Variants in TMEM229B observed in about 807,000 individuals in gnomAD.
TMEM229B encodes transmembrane protein 229B.
A neutral mutation model predicts 13.7 loss-of-function variants in TMEM229B; 6 were observed. The observed-to-expected ratio is 0.44, with a 90% CI of 0.24 to 0.86. The LOEUF is 0.86. Ranked by LOEUF, TMEM229B falls within the 40% of genes least tolerant of loss-of-function variation. TMEM229B has a pLI of 0.23. For missense variants in TMEM229B, 170 were observed against 236.0 expected, an observed-to-expected ratio of 0.72 and a Z score of 1.83; for synonymous variants, 107 against 102.1, an observed-to-expected ratio of 1.05 and a Z score of -0.29.
chr14:67,519,946 C>G (rs2140268072), upstream of TMEM229B, among the ~76,000 whole-genome samples: 1 of 152,208 alleles, frequency 6.6e-6, no homozygotes, highest in Non-Finnish European at 1.5e-5. Flanking sequence ...TCATTTTGAA[C>G]TCCTAGCCTC....
chr14:67,487,392 T>C (rs1374831571), intron 1 of TMEM229B, among the ~76,000 whole-genome samples: 1 of 152,214 alleles, frequency 6.6e-6, no homozygotes, highest in Non-Finnish European at 1.5e-5. Context: ...ACAATCCACA[T>C]GTCCAGGGTT....
rs369131613 is a variant in TMEM229B at position 67,473,544 on chromosome 14, C to A, written c.380G>T (p.Gly127Val). Residue 127 changes from glycine to valine, a missense_variant, in exon 3 of 3, where the codon GGG becomes GTG. Coordinates refer to ENST00000554480, the MANE Select transcript of TMEM229B (RefSeq NM_001348543.2). This position sits in a 1 kb window ranked among gnomAD's most constrained non-coding sequence, Gnocchi z 6.5. ...GATGAACTGCTCCATGATGAGGGCC[C>A]CGCAGAACCAGGGCACGGCGTACTC... ...TLEYAVPWFC[G>V]ALIMEQFIIR... The A allele has an allele frequency of 6.2e-7, 1 of 1,613,980 alleles. No individual in the cohort carries two copies. Among genetic ancestry groups the A allele is most frequent in the South Asian group, 1.1e-5 (1 of 91,066 alleles).
At chr14:67,495,683 T>C (rs76409069) in intron 1 of TMEM229B, among the ~76,000 whole-genome samples, 6,617 of 152,266 alleles carry the variant, frequency 0.043, 183 homozygotes, top group East Asian at 0.092. Flanking sequence ...GGGGTTTCAC[T>C]GTGTTGGCCA....
At chr14:67,524,026 AG>A (rs1823490813) in intron 1 of TMEM229B, among the ~76,000 whole-genome samples, 1 of 152,120 alleles carries the variant, frequency 6.6e-6, no homozygotes, top group South Asian at 2.1e-4. Context: ...CTGTGTTCTG[AG>A]TGGATAGGCT....
intron 1 of TMEM229B, among the ~76,000 whole-genome samples, chr14:67,502,741 C>T (rs368752110): frequency 3.3e-5 from 5 of 152,056 alleles, no homozygotes; most frequent in Non-Finnish European, 7.4e-5. Flanking sequence ...CGTGAGCCAC[C>T]GCGCCGGGCC....
intron 1 of TMEM229B, among the ~76,000 whole-genome samples, chr14:67,500,911 C>T (rs543851342): frequency 2.0e-5 from 3 of 151,962 alleles, no homozygotes; most frequent in South Asian, 2.1e-4. Context: ...GTCAAAGCAG[C>T]TATAAGAATT....
rs755352664 is a variant in TMEM229B, at chr14:67,473,517, A to T, written c.407T>A (p.Ile136Asn). ...GAAGCGGAGGCGGAGGGTGTTGCGG[A>T]TGATGAACTGCTCCATGATGAGGGC... ...CGALIMEQFI[I>N]RNTLRLRFDK... Residue 136 changes from isoleucine (I) to asparagine (N), a missense_variant, in exon 3 of 3, where the codon ATC becomes AAC. This residue lies in a region of TMEM229B where 70 missense variants were observed against 60.9 expected (regional missense o/e 1.15). Transcript: ENST00000554480. The surrounding 1 kb of genome is among the most constrained non-coding windows in gnomAD (Gnocchi z 6.5). 1.9e-6 allele frequency: 3 copies of T among 1,614,006 alleles called. No individual in the cohort carries two copies. The highest frequency in any genetic ancestry group is 1.1e-5 in the South Asian group (1 of 91,090).
At chr14:67,527,967 C>A (rs116319607) in intron 1 of TMEM229B, among the ~76,000 whole-genome samples, 3,375 of 152,260 alleles carry the variant, frequency 0.022, 145 homozygotes, top group African/African-American at 0.077. Flanking sequence ...TTGCCCTGTA[C>A]TGAGCCACCT....
At chr14:67,493,245 CATCT>C (rs1418987601), upstream of TMEM229B, among the ~76,000 whole-genome samples, 3 of 152,188 alleles carry the variant, frequency 2.0e-5, no homozygotes, top group Admixed American at 6.5e-5. Flanking sequence ...CTTACCCATC[CATCT>C]ATCAGCCCTC....
intron 1 of TMEM229B, among the ~76,000 whole-genome samples, chr14:67,498,832 A>AT (rs1487846058): frequency 2.0e-5 from 3 of 151,506 alleles, no homozygotes; most frequent in African/African-American, 4.8e-5. Flanking sequence ...TGCCTGATTA[A>AT]TTTTTTTTGT....
chr14:67,498,232 T>G (rs1442624092), intron 1 of TMEM229B, among the ~76,000 whole-genome samples: 1 of 152,120 alleles, frequency 6.6e-6, no homozygotes, highest in Non-Finnish European at 1.5e-5. Flanking sequence ...TCTTTGCCCC[T>G]CTCCCATACC....
At chr14:67,478,955 T>C (rs1307949692) in intron 2 of TMEM229B, among the ~76,000 whole-genome samples, 1 of 152,206 alleles carries the variant, frequency 6.6e-6, no homozygotes, top group Non-Finnish European at 1.5e-5. Context: ...TAACTCCGAT[T>C]CTGCAAAGGC....
At chr14:67,513,521 A>G (rs575974999) in intron 1 of TMEM229B, among the ~76,000 whole-genome samples, 2 of 152,200 alleles carry the variant, frequency 1.3e-5, no homozygotes, top group East Asian at 3.9e-4. Context: ...TCCCCACCCA[A>G]CGCCTGCCAT....
intron 1 of TMEM229B, among the ~76,000 whole-genome samples, chr14:67,506,577 G>A (rs1021654078): frequency 6.6e-6 from 1 of 152,198 alleles, no homozygotes; most frequent in Non-Finnish European, 1.5e-5. Flanking sequence ...TGTAAGACAG[G>A]TAGGGATGGA....
At chr14:67,526,958 G>A (rs557888000) in intron 1 of TMEM229B, among the ~76,000 whole-genome samples, 30 of 152,330 alleles carry the variant, frequency 2.0e-4, no homozygotes, top group Non-Finnish European at 3.8e-4. Context: ...TGACCATCAA[G>A]GGAGATAATA....
At chr14:67,520,545 C>T (rs2033275535) in intron 1 of TMEM229B, among the ~76,000 whole-genome samples, 2 of 152,202 alleles carry the variant, frequency 1.3e-5, no homozygotes, top group African/African-American at 4.8e-5. Flanking sequence ...AATAATATTC[C>T]ATTGTCTGGA....
At chr14:67,514,669 T>A (rs1477829260) in intron 1 of TMEM229B, among the ~76,000 whole-genome samples, 1 of 152,014 alleles carries the variant, frequency 6.6e-6, no homozygotes, top group African/African-American at 2.4e-5. Flanking sequence ...ACCCAGACTG[T>A]CACCCCCCTC....
intron 1 of TMEM229B, among the ~76,000 whole-genome samples, chr14:67,532,585 T>C (rs1486415219): frequency 6.6e-6 from 1 of 152,028 alleles, no homozygotes; most frequent in Non-Finnish European, 1.5e-5. Context: ...GGCCCTCCTT[T>C]AAAATAACAT....
At chr14:67,503,048 G>A (rs1164486678) in intron 1 of TMEM229B, among the ~76,000 whole-genome samples, 1 of 152,124 alleles carries the variant, frequency 6.6e-6, no homozygotes, top group Non-Finnish European at 1.5e-5. Context: ...CCTTGCGTAA[G>A]TTAGCAGACA....
Sources: gnomAD v4.1 joint callset for allele counts (sites outside exome capture counted in the v4.1 genomes callset) on GRCh38, gnomAD v4.1.1 for gene constraint, gnomAD v4.1.1 regional missense constraint, Gnocchi (gnomAD v3.1) non-coding constraint, MANE v1.5 for transcripts, NCBI Gene and HGNC (gene_info 2026-07-23, HGNC 2026-07-21) for gene names.